HDAC9: variants seen among roughly 807,000 people sequenced by gnomAD.
HDAC9 encodes the protein MEF-2 interacting transcription repressor (MITR) protein.
Under a neutral mutation model 139.4 loss-of-function variants are expected in HDAC9, and 41 were observed. That is an observed-to-expected ratio of 0.29 (90% CI 0.23 to 0.38). The LOEUF is 0.38. HDAC9 is among the 10% of genes least tolerant of loss of function. HDAC9 has a pLI of 1.00. For missense variants in HDAC9, 1,147 were observed against 1,297.0 expected (o/e 0.88, Z 1.78); for synonymous variants, 517 against 476.2 (o/e 1.09, Z -1.12).
intron 1 of HDAC9, among the ~76,000 whole-genome samples, chr7:18,392,309 T>A (rs1010613302): frequency 3.0e-5 from 4 of 131,336 alleles, no homozygotes; most frequent in African/African-American, 1.3e-4. Context: ...TCTCTCTCTC[T>A]CTCTCTCACA....
intron 17 of HDAC9, among the ~76,000 whole-genome samples, chr7:18,825,069 AG>A (rs1477451768): frequency 2.0e-5 from 3 of 152,236 alleles, no homozygotes; most frequent in Non-Finnish European, 4.4e-5. Flanking sequence ...GCAGAAGGCC[AG>A]AAGTTTGATT....
Position 18,583,579 on chromosome 7 carries a change from TA to T in HDAC9, c.23-1688del, listed in dbSNP as rs11418791. Reference sequence around the variant, plus strand: ...GCTCCCACTGCCCTGACCCCAGCTATAAAAAAAAAAAAAAGAAAGAAAAATT... The same window carrying T: ...GCTCCCACTGCCCTGACCCCAGCTATAAAAAAAAAAAAAGAAAGAAAAATT... On this transcript the variant is annotated intron_variant, in intron 2 of 25. Transcript: ENST00000686413. Among the ~76,000 whole-genome samples the T allele has an allele frequency of 6.6e-3, 901 of 136,600 alleles. 2 individuals are homozygous for T. The highest frequency in any genetic ancestry group is 7.9e-3 in the Non-Finnish European group (502 of 63,744). 89.6% of individuals were successfully genotyped at this position (136,600 alleles called of 152,430 possible). A position where few individuals can be genotyped will look rare whatever the true frequency, so the allele number is the denominator to read the frequency against.
At chr7:18,977,361 G>C (rs1034247556) in intron 25 of HDAC9, among the ~76,000 whole-genome samples, 1 of 152,164 alleles carries the variant, frequency 6.6e-6, no homozygotes, top group African/African-American at 2.4e-5. Context: ...TATAAAAGGA[G>C]CATAGCTATT....
chr7:18,491,617 T>A (rs1388769653), upstream of HDAC9, among the ~76,000 whole-genome samples: 1 of 152,020 alleles, frequency 6.6e-6, no homozygotes, highest in Non-Finnish European at 1.5e-5. Context: ...ATGTACAAAA[T>A]CTTTCTTTCA....
intron 2 of HDAC9, among the ~76,000 whole-genome samples, chr7:18,539,468 G>T (rs911087322): frequency 1.3e-4 from 20 of 152,152 alleles, no homozygotes; most frequent in African/African-American, 4.1e-4. Context: ...CAGCAAAAAG[G>T]ATACTAGTAA....
intron 14 of HDAC9, among the ~76,000 whole-genome samples, chr7:18,754,033 C>G (rs1788674629): frequency 6.6e-6 from 1 of 152,008 alleles, no homozygotes; most frequent in Non-Finnish European, 1.5e-5. Context: ...TGATTAGTAG[C>G]CAGAGAAAAC....
intron 1 of HDAC9, among the ~76,000 whole-genome samples, chr7:18,311,693 T>C (rs1039567104): frequency 6.6e-6 from 1 of 152,138 alleles, no homozygotes; most frequent in Non-Finnish European, 1.5e-5. Context: ...CATATTCTAC[T>C]ACTGTCAAGG....
intron 12 of HDAC9, among the ~76,000 whole-genome samples, chr7:18,693,998 T>C (rs1782854209): frequency 6.6e-6 from 1 of 152,168 alleles, no homozygotes; most frequent in Non-Finnish European, 1.5e-5. Flanking sequence ...TAACCGATTG[T>C]ACACACAGGA....
At chr7:18,863,773 G>A (rs531236728) in intron 21 of HDAC9, among the ~76,000 whole-genome samples, 8 of 152,294 alleles carry the variant, frequency 5.3e-5, no homozygotes, top group South Asian at 2.1e-4. Flanking sequence ...TGGGGTAGGC[G>A]TGGGAAGGGT....
chr7:18,940,510 C>T (rs1781954967), intron 23 of HDAC9, among the ~76,000 whole-genome samples: 1 of 152,052 alleles, frequency 6.6e-6, no homozygotes, highest in Non-Finnish European at 1.5e-5. Context: ...TGATCTTTTT[C>T]AATGAAGCAC....
At chr7:18,782,219 A>G (rs547514839) in intron 16 of HDAC9, among the ~76,000 whole-genome samples, 2 of 152,094 alleles carry the variant, frequency 1.3e-5, no homozygotes, top group African/African-American at 4.8e-5. Context: ...TGTTCAAGGC[A>G]TCTGAGGAAG....
intron 14 of HDAC9, among the ~76,000 whole-genome samples, chr7:18,759,372 G>T (rs368450323): frequency 1.1e-4 from 17 of 152,170 alleles, no homozygotes; most frequent in African/African-American, 4.1e-4. Context: ...GAACAGCAGC[G>T]ACATTAGATT....
intron 21 of HDAC9, among the ~76,000 whole-genome samples, chr7:18,870,610 A>G (rs143418607): frequency 6.6e-5 from 10 of 152,212 alleles, no homozygotes; most frequent in African/African-American, 2.2e-4. Context: ...ATACTTTGGA[A>G]TTATGCAAAT....
At chr7:18,617,711 A>G (rs984424701) in intron 6 of HDAC9, among the ~76,000 whole-genome samples, 1 of 152,194 alleles carries the variant, frequency 6.6e-6, no homozygotes, top group East Asian at 1.9e-4. Flanking sequence ...TGAGGACAGT[A>G]TCTTTAGCCT....
rs141808526 is a variant in HDAC9, at chr7:18,787,893, C to T, written c.2215-5452C>T. On this transcript the variant is annotated intron_variant, in intron 16 of 25. Transcript: ENST00000686413. ...AGCCTCTTCCAGTTTGAATAACTTCCTTTCAGTTTAGAAATACTGTCTTTT... is the reference window on the plus strand; with the variant it reads ...AGCCTCTTCCAGTTTGAATAACTTCTTTTCAGTTTAGAAATACTGTCTTTT... 4.9e-3 allele frequency among the ~76,000 whole-genome samples: 752 copies of T among 152,260 alleles called. 5 individuals carry two copies. The highest frequency in any genetic ancestry group is 0.017 in the African/African-American group (697 of 41,516).
At chr7:18,574,823 A>G (rs1316476037) in intron 2 of HDAC9, among the ~76,000 whole-genome samples, 3 of 152,250 alleles carry the variant, frequency 2.0e-5, no homozygotes, top group Non-Finnish European at 4.4e-5. Flanking sequence ...TGCTGGGAGC[A>G]TGGAGAGGCC....
intron 22 of HDAC9, among the ~76,000 whole-genome samples, chr7:18,916,686 C>T (rs1803240203): frequency 6.6e-6 from 1 of 151,986 alleles, no homozygotes; most frequent in African/African-American, 2.4e-5. Flanking sequence ...CAGCATTCTA[C>T]CCGCCTATCA....
intron 1 of HDAC9, among the ~76,000 whole-genome samples, chr7:18,321,024 G>A (rs1174110339): frequency 6.6e-6 from 1 of 152,058 alleles, no homozygotes; most frequent in African/African-American, 2.4e-5. Context: ...ATATGCAATC[G>A]CCATTTTTGT....
chr7:18,886,553 TGG>T (rs1357474735), intron 22 of HDAC9, among the ~76,000 whole-genome samples: 1 of 152,164 alleles, frequency 6.6e-6, no homozygotes, highest in African/African-American at 2.4e-5. Flanking sequence ...ATTTTCATAG[TGG>T]TATATAAAAT....
Sources: gnomAD v4.1 joint callset for allele counts (sites outside exome capture counted in the v4.1 genomes callset) on GRCh38, gnomAD v4.1.1 for gene constraint, MANE v1.5 for transcripts, NCBI Gene and HGNC (gene_info 2026-07-23, HGNC 2026-07-21) for gene names.